DPP6: variants seen among roughly 807,000 people sequenced by gnomAD.
DPP6 encodes A-type potassium channel modulatory protein DPP6.
In DPP6, 69 loss-of-function variants were observed where a neutral mutation model predicts 122.6. The ratio of observed to expected loss-of-function variants is 0.56; its 90% CI spans 0.46 to 0.69. The LOEUF (loss-of-function observed/expected upper bound fraction) is 0.69. DPP6 is among the 30% of genes least tolerant of loss of function. DPP6 has a pLI of 0.00. For synonymous variants in DPP6, 418 were observed against 433.1 expected, an observed-to-expected ratio of 0.97 and a Z score of 0.43; for missense variants, 928 against 1,116.9, an observed-to-expected ratio of 0.83 and a Z score of 2.41.
At chr7:154,527,788 A>G (rs956315344) in intron 3 of DPP6, among the ~76,000 whole-genome samples, 2 of 152,194 alleles carry the variant, frequency 1.3e-5, no homozygotes, top group East Asian at 3.9e-4. Context: ...ATGAATCTAC[A>G]GTACCATAAG....
chr7:154,878,008 G>T (rs1411159656), intron 20 of DPP6, among the ~76,000 whole-genome samples: 1 of 152,192 alleles, frequency 6.6e-6, no homozygotes, highest in Non-Finnish European at 1.5e-5. Flanking sequence ...CTTCCTGGGT[G>T]GGGGCACGAG....
At chr7:153,928,640 A>G (rs1272922381) in intron 1 of DPP6, among the ~76,000 whole-genome samples, 2 of 151,688 alleles carry the variant, frequency 1.3e-5, no homozygotes, top group Admixed American at 6.6e-5. Flanking sequence ...CAGGGCAACA[A>G]TCCCATTATG....
chr7:154,825,945 G>A (rs1107519), intron 16 of DPP6, among the ~76,000 whole-genome samples: 91,056 of 152,164 alleles, frequency 0.6, 30,611 homozygotes, highest in Non-Finnish European at 0.75. Flanking sequence ...ACATCTAGGT[G>A]AGAAGGTAGC....
At chr7:153,767,873 C>G in the DPP6 span, among the ~76,000 whole-genome samples, 1 of 152,126 alleles carries the variant, frequency 6.6e-6, no homozygotes, top group South Asian at 2.1e-4. Context: ...AAATGAATAC[C>G]TGGAACGGAT....
At chr7:154,750,184 C>G (rs1002041187) in intron 8 of DPP6, among the ~76,000 whole-genome samples, 5 of 152,318 alleles carry the variant, frequency 3.3e-5, no homozygotes, top group African/African-American at 1.2e-4. Flanking sequence ...TGGGTCTTTA[C>G]AGAGAAAGGC....
At chr7:154,251,385 AAGAC>A (rs1802340655) in intron 1 of DPP6, among the ~76,000 whole-genome samples, 2 of 152,346 alleles carry the variant, frequency 1.3e-5, no homozygotes, top group South Asian at 2.1e-4. Flanking sequence ...GACCACCTAA[AAGAC>A]AGAGTCAACA....
intron 7 of DPP6, among the ~76,000 whole-genome samples, chr7:154,699,638 AGT>A (rs1840403983): frequency 6.6e-6 from 1 of 152,142 alleles, no homozygotes; most frequent in African/African-American, 2.4e-5. Context: ...CCCTGTGCAG[AGT>A]GTGTGACTCA....
In DPP6 at chr7:154,478,147, C is replaced by A. The variant is rs184571862; in HGVS notation, c.457+3110C>A. Reference sequence around the variant, plus strand: ...TTTTTGACAAATACTATAGAGTTCACCCATTTTTTTTTAATACCACAAGTC... The same window carrying A: ...TTTTTGACAAATACTATAGAGTTCAACCATTTTTTTTTAATACCACAAGTC... On this transcript the variant is annotated intron_variant, in intron 3 of 25. Coordinates refer to ENST00000377770, the MANE Select transcript of DPP6 (RefSeq NM_130797.4). 8.3e-3 allele frequency among the ~76,000 whole-genome samples: 1,263 copies of A among 152,030 alleles called. 15 individuals are homozygous for A. Among genetic ancestry groups the A allele is most frequent in the South Asian group, 0.06 (289 of 4,810 alleles).
chr7:154,326,921 G>T (rs948522281), intron 1 of DPP6, among the ~76,000 whole-genome samples: 1 of 152,206 alleles, frequency 6.6e-6, no homozygotes, highest in African/African-American at 2.4e-5. Flanking sequence ...GGTCTTGTTA[G>T]CCTGGAAATA....
At chr7:154,334,050 T>C (rs559562712) in intron 1 of DPP6, among the ~76,000 whole-genome samples, 3 of 152,338 alleles carry the variant, frequency 2.0e-5, no homozygotes, top group African/African-American at 7.2e-5. Context: ...TATTTTATTA[T>C]GTGCTGTGCT....
rs1563158460 is a variant in DPP6, at chr7:154,063,099, TTAG to T, written c.243+10039_243+10041del. ...CTATCCCCTCTTCCGCCCCTGGCTG[TTAG>T]TACCCCCATCGCAGGGGGGGAGGCA... is the stretch of plus-strand genomic sequence containing the variant. On this transcript the variant is annotated intron_variant, in intron 1 of 25. Transcript: ENST00000377770. 2.4e-4 allele frequency among the ~76,000 whole-genome samples: 30 copies of T among 127,630 alleles called. 1 individual carries two copies. The highest frequency in any genetic ancestry group is 4.4e-4 in the Non-Finnish European group (26 of 58,448). 83.7% of individuals were successfully genotyped at this position (127,630 alleles called of 152,430 possible).
intron 1 of DPP6, among the ~76,000 whole-genome samples, chr7:154,147,727 A>G (rs1796185536): frequency 6.6e-6 from 1 of 151,828 alleles, no homozygotes; most frequent in African/African-American, 2.4e-5. Context: ...TATATTTAAT[A>G]GAGAAAGGGT....
At chr7:154,531,405 A>G (rs1440252416) in intron 3 of DPP6, among the ~76,000 whole-genome samples, 2 of 152,150 alleles carry the variant, frequency 1.3e-5, no homozygotes, top group African/African-American at 4.8e-5. Context: ...AAAACAAAAA[A>G]CCCTATAAAC....
At chr7:153,838,674 T>A in the DPP6 span, among the ~76,000 whole-genome samples, 1 of 152,326 alleles carries the variant, frequency 6.6e-6, no homozygotes, top group African/African-American at 2.4e-5. Flanking sequence ...TGTCACCTCA[T>A]TCCATCTTAA....
chr7:154,518,093 A>T (rs1418338163), intron 3 of DPP6, among the ~76,000 whole-genome samples: 3 of 152,198 alleles, frequency 2.0e-5, no homozygotes, highest in African/African-American at 7.2e-5. Context: ...TCGTAAAAAC[A>T]ATGTCTTGTA....
At chr7:154,033,396 C>T (rs1264713737) in intron 1 of DPP6, among the ~76,000 whole-genome samples, 4 of 152,184 alleles carry the variant, frequency 2.6e-5, no homozygotes, top group African/African-American at 4.8e-5. Context: ...AAGACACTTG[C>T]GTTCTGAGGC....
chr7:154,091,359 C>G (rs1318252167), intron 1 of DPP6, among the ~76,000 whole-genome samples: 2 of 152,114 alleles, frequency 1.3e-5, no homozygotes, highest in Non-Finnish European at 2.9e-5. Context: ...TTTGAGCGGT[C>G]TATGGCTTTC....
intron 1 of DPP6, among the ~76,000 whole-genome samples, chr7:153,964,243 G>A (rs1795516183): frequency 6.6e-6 from 1 of 152,100 alleles, no homozygotes. Flanking sequence ...TGATCCACCT[G>A]CCTCGGCCTC....
At chr7:154,218,055 CAA>C (rs1800101175) in intron 1 of DPP6, among the ~76,000 whole-genome samples, 1 of 152,240 alleles carries the variant, frequency 6.6e-6, no homozygotes, top group Admixed American at 6.5e-5. Flanking sequence ...CCAAATAAAT[CAA>C]GAGAGGCTGA....
Sources: gnomAD v4.1 joint callset for allele counts (sites outside exome capture counted in the v4.1 genomes callset) on GRCh38, gnomAD v4.1.1 for gene constraint, MANE v1.5 for transcripts, NCBI Gene and HGNC (gene_info 2026-07-23, HGNC 2026-07-21) for gene names.